Variants in ZFHX3 observed in about 807,000 individuals in gnomAD.
ZFHX3 encodes the protein zinc finger homeobox 3, also known as zinc finger homeobox protein 3.
Under a neutral mutation model 279.1 loss-of-function variants are expected in ZFHX3, and 42 were observed. The observed-to-expected ratio is 0.15, with a 90% CI of 0.12 to 0.19. ZFHX3 has a LOEUF of 0.19. Among genes scored for constraint, ZFHX3 ranks in the 10% least tolerant of loss-of-function variants. The pLI is 1.00. For synonymous variants in ZFHX3, 2,293 were observed against 1,957.8 expected, an observed-to-expected ratio of 1.17 and a Z score of -4.52; for missense variants, 4,981 against 4,754.0, an observed-to-expected ratio of 1.05 and a Z score of -1.40.
chr16:72,939,127 G>A (rs1042485661), intron 3 of ZFHX3, among the ~76,000 whole-genome samples: 1 of 152,160 alleles, frequency 6.6e-6, no homozygotes, highest in Non-Finnish European at 1.5e-5. Flanking sequence ...TGGCGGTAGA[G>A]GGGAAGTATA....
At chr16:73,657,703 C>T (rs1464662935) in intron 2 of ZFHX3, among the ~76,000 whole-genome samples, 1 of 152,068 alleles carries the variant, frequency 6.6e-6, no homozygotes, top group African/African-American at 2.4e-5. Context: ...AAGCATATGA[C>T]ACGTGGTCTT....
chr16:72,975,476 G>A (rs889318693), intron 1 of ZFHX3, among the ~76,000 whole-genome samples: 6 of 151,906 alleles, frequency 3.9e-5, no homozygotes, highest in Non-Finnish European at 4.4e-5. Flanking sequence ...AGGAGAGAGG[G>A]GTGTACAGGG....
intron 5 of ZFHX3, among the ~76,000 whole-genome samples, chr16:73,245,352 C>T (rs2013248783): frequency 6.6e-6 from 1 of 152,168 alleles, no homozygotes; most frequent in African/African-American, 2.4e-5. Context: ...TCACTGTAGC[C>T]TCAAACTCTT....
chr16:73,426,263 G>C lies in ZFHX3; in HGVS notation c.-1291+29740C>G, dbSNP rs533827972. ...TATATGGCCAAAAGCACCCCTTGGAGTCAGGGAGGACAAAGCTTTAGGAGG... is the reference window on the plus strand; with the variant it reads ...TATATGGCCAAAAGCACCCCTTGGACTCAGGGAGGACAAAGCTTTAGGAGG... On this transcript the variant is annotated intron_variant, in intron 3 of 17. Transcript: ENST00000641206. Among the ~76,000 whole-genome samples the C allele has an allele frequency of 8.5e-5, 13 of 152,328 alleles. No homozygotes were observed. The East Asian group carries it at 2.5e-3, about 29-fold the overall frequency.
intron 1 of ZFHX3, among the ~76,000 whole-genome samples, chr16:72,976,906 C>T (rs1042859215): frequency 2.6e-5 from 4 of 152,208 alleles, no homozygotes; most frequent in African/African-American, 9.6e-5. Flanking sequence ...GTTCTAACCC[C>T]CACGGGGGTC....
rs139765083 is a variant in ZFHX3, at chr16:73,441,104, T to A, written c.-1291+14899A>T. ...GGGTTGTTACATATCTAGAGTGCCA[T>A]TTAGAGGATTACTAATTTACTAAAT... On this transcript the variant is annotated intron_variant, in intron 3 of 17. Transcript: ENST00000641206. 2.0e-5 allele frequency among the ~76,000 whole-genome samples: 3 copies of A among 152,252 alleles called. No individual in the cohort carries two copies. In the East Asian group the frequency reaches 5.8e-4, roughly 29 times the overall value.
intron 1 of ZFHX3, among the ~76,000 whole-genome samples, chr16:72,989,256 G>A (rs940014744): frequency 7.2e-5 from 11 of 152,000 alleles, no homozygotes; most frequent in East Asian, 5.8e-4. Flanking sequence ...AGGCCGAAGC[G>A]GGTGGATCAC....
chr16:73,031,846 G>A (rs1167314726), intron 1 of ZFHX3, among the ~76,000 whole-genome samples: 1 of 152,132 alleles, frequency 6.6e-6, no homozygotes, highest in Admixed American at 6.5e-5. Flanking sequence ...GGAGAGAATG[G>A]GAGGAGTTAG....
At chr16:73,566,000 T>A (rs1304781241) in intron 2 of ZFHX3, among the ~76,000 whole-genome samples, 1 of 152,188 alleles carries the variant, frequency 6.6e-6, no homozygotes. Context: ...GATACTTGGA[T>A]TTAGATCCAC....
intron 1 of ZFHX3, among the ~76,000 whole-genome samples, chr16:73,744,488 T>G (rs1425495980): frequency 6.6e-6 from 1 of 152,222 alleles, no homozygotes; most frequent in East Asian, 1.9e-4. Context: ...TGAAATTCTC[T>G]CCTTCAGGCC....
At chr16:73,127,240 C>T in intron 7 of ZFHX3, 3 of 925,524 alleles carry the variant, frequency 3.2e-6, no homozygotes, top group Non-Finnish European at 4.4e-6. Context: ...CGGTTAGTAT[C>T]GATCAGAGCT....
chr16:72,933,911 C>CGGGA (rs1959967552), intron 3 of ZFHX3, among the ~76,000 whole-genome samples: 1 of 150,374 alleles, frequency 6.7e-6, no homozygotes, highest in Non-Finnish European at 1.5e-5. Flanking sequence ...CTCTGCCTCC[C>CGGGA]GGGTTCATGC....
At chr16:73,714,869 C>G (rs2053399194) in intron 1 of ZFHX3, among the ~76,000 whole-genome samples, 1 of 152,208 alleles carries the variant, frequency 6.6e-6, no homozygotes, top group African/African-American at 2.4e-5. Context: ...ACATGGTAAT[C>G]TATTAGTCCT....
rs1444109028 is a variant in ZFHX3 at position 72,959,471 on chromosome 16, G to A, written c.675C>T (p.Ser225=). 4 of 1,614,160 alleles carry A rather than the reference G, an allele frequency of 2.5e-6. No individual in the cohort carries two copies. Among genetic ancestry groups the A allele is most frequent in the East Asian group, 2.2e-5 (1 of 44,896 alleles). ...FPNTSALAGL[S]PVLHSFRVFD... ...ACACGCGGAAGCTGTGCAGGACGGG[G>A]CTGAGCCCCGCCAGGGCTGAGGTAT... Residue 225 remains serine, a synonymous_variant, in exon 2 of 10, where the codon AGC becomes AGT. Coordinates refer to ENST00000268489, the MANE Select transcript of ZFHX3 (RefSeq NM_006885.4).
chr16:73,183,777 C>T (rs1415692193), intron 5 of ZFHX3, among the ~76,000 whole-genome samples: 2 of 151,968 alleles, frequency 1.3e-5, no homozygotes, highest in Admixed American at 1.3e-4. Context: ...AGCGGAAGTG[C>T]GTTTTGGAGA....
At chr16:72,913,994 A>G (rs1261121926) in intron 3 of ZFHX3, among the ~76,000 whole-genome samples, 2 of 152,238 alleles carry the variant, frequency 1.3e-5, no homozygotes, top group Non-Finnish European at 2.9e-5. Context: ...CCCAAATGAC[A>G]GTAGGTGAAA....
intron 2 of ZFHX3, among the ~76,000 whole-genome samples, chr16:73,672,137 G>C (rs1351895029): frequency 6.6e-6 from 1 of 151,992 alleles, no homozygotes; most frequent in Non-Finnish European, 1.5e-5. Context: ...GACAGATTCA[G>C]ATAGCAGATC....
At chr16:73,880,075 T>C (rs539774970) in intron 1 of ZFHX3, among the ~76,000 whole-genome samples, 5 of 152,254 alleles carry the variant, frequency 3.3e-5, no homozygotes, top group South Asian at 4.1e-4. Flanking sequence ...ACAATCTCCA[T>C]TCTACACGTT....
intron 7 of ZFHX3, 80 bp from the exon 8 acceptor site, chr16:72,800,209 C>T (rs2036053739): frequency 8.3e-7 from 1 of 1,205,830 alleles, no homozygotes; most frequent in Admixed American, 1.9e-5. Flanking sequence ...ATTTAATAAG[C>T]AAAATTAGCC....
Sources: gnomAD v4.1 joint callset for allele counts (sites outside exome capture counted in the v4.1 genomes callset) on GRCh38, gnomAD v4.1.1 for gene constraint, MANE v1.5 for transcripts, NCBI Gene and HGNC (gene_info 2026-07-23, HGNC 2026-07-21) for gene names.